The following PCDHGA7 variants were observed in gnomAD, a reference collection of about 807,000 sequenced individuals.
PCDHGA7 encodes the protein protocadherin gamma subfamily A, 7.
In PCDHGA7, 44 loss-of-function variants were observed where a neutral mutation model predicts 58.3. The ratio of observed to expected loss-of-function variants is 0.75; its 90% CI spans 0.59 to 0.97. PCDHGA7 has a LOEUF of 0.97. Among genes scored for constraint, PCDHGA7 ranks in the 50% least tolerant of loss-of-function variants. The probability of loss-of-function intolerance (pLI) is 0.00; values close to 1 mark genes in which losing one functional copy is unlikely to be tolerated. For missense variants in PCDHGA7, 1,266 were observed against 1,188.7 expected (o/e 1.06, Z -0.96); for synonymous variants, 516 against 504.2 (o/e 1.02, Z -0.31).
chr5:141,403,353 A>T lies in PCDHGA7; in HGVS notation c.2424+18030A>T, dbSNP rs1335542003. The T allele has an allele frequency of 2.5e-6, 4 of 1,613,932 alleles. No individual in the cohort carries two copies. In the East Asian group the frequency reaches 6.7e-5, roughly 27 times the overall value. ...ATTAACGACAGCGCCCCAAAGTTCC[A>T]GGCCGAAAGTCTGGAAGTAAAAATT... On this transcript the variant is annotated intron_variant, in intron 1 of 3. Coordinates refer to ENST00000518325, the MANE Select transcript of PCDHGA7 (RefSeq NM_018920.4).
rs2099170089 is a variant in PCDHGA7, at chr5:141,468,602, C to T, written c.2425-26205C>T. On this transcript the variant is annotated intron_variant, in intron 1 of 3. Coordinates refer to ENST00000518325, the MANE Select transcript of PCDHGA7 (RefSeq NM_018920.4). ...GTACTAAAGGCTGGGCGCGGTGGCT[C>T]ACGCCTGTAATCCCAGCACTTTGGG... The T allele has an allele frequency of 2.6e-5, 4 of 152,284 alleles. No individual in the cohort carries two copies. The South Asian group carries it at 8.3e-4, about 32-fold the overall frequency. 9.4% of individuals were successfully genotyped at this position (152,284 alleles called of 1,614,324 possible).
chr5:141,432,663 G>A lies in PCDHGA7; in HGVS notation c.2424+47340G>A. ...CGCACGGCGCGAGCCCTGCTGGACA[G>A]AGACGCGCTCAAGCAGAGCCTCGTA... On this transcript the variant is annotated intron_variant, in intron 1 of 3. Coordinates refer to ENST00000518325, the MANE Select transcript of PCDHGA7 (RefSeq NM_018920.4). This position sits in a 1 kb window ranked among gnomAD's most constrained non-coding sequence, Gnocchi z 6.0. 1 of 1,613,886 alleles carries A rather than the reference G, an allele frequency of 6.2e-7. No individual in the cohort carries two copies. Among genetic ancestry groups the A allele is most frequent in the Non-Finnish European group, 8.5e-7 (1 of 1,179,952 alleles).
intron 2 of PCDHGA7, among the ~76,000 whole-genome samples, chr5:141,503,963 C>T (rs900066192): frequency 7.2e-5 from 11 of 152,188 alleles, no homozygotes; most frequent in Admixed American, 6.5e-4. Flanking sequence ...ACAGCCTTTC[C>T]CATGGTGCCA....
chr5:141,401,815 C>G (rs1217081146), intron 1 of PCDHGA7, among the ~76,000 whole-genome samples: 1 of 152,184 alleles, frequency 6.6e-6, no homozygotes, highest in Non-Finnish European at 1.5e-5. Flanking sequence ...GGGTTCCTTA[C>G]AAAGTGCTGA....
chr5:141,409,231 C>T (rs756486864), intron 1 of PCDHGA7: 7 of 1,613,926 alleles, frequency 4.3e-6, no homozygotes, highest in Admixed American at 3.3e-5. Flanking sequence ...AAAACGACAA[C>T]AGCCCAGAAA....
intron 1 of PCDHGA7, among the ~76,000 whole-genome samples, chr5:141,438,581 TACATAC>T (rs2097977343): frequency 4.0e-5 from 2 of 49,846 alleles, no homozygotes; most frequent in Non-Finnish European, 6.5e-5. Flanking sequence ...TATACATACA[TACATAC>T]ATACATATAT....
intron 2 of PCDHGA7, among the ~76,000 whole-genome samples, chr5:141,502,478 A>G (rs2099814452): frequency 6.6e-6 from 1 of 150,896 alleles, no homozygotes; most frequent in Non-Finnish European, 1.5e-5. Flanking sequence ...CCGCAGCATC[A>G]CACTGGGACT....
intron 2 of PCDHGA7, among the ~76,000 whole-genome samples, chr5:141,503,909 C>T (rs904260329): frequency 1.3e-5 from 2 of 152,156 alleles, no homozygotes; most frequent in Admixed American, 1.3e-4. Flanking sequence ...ACACACACAA[C>T]GCAACACACA....
At chr5:141,414,135 A>G in intron 1 of PCDHGA7, 1 of 1,595,504 alleles carries the variant, frequency 6.3e-7, no homozygotes, top group Non-Finnish European at 8.5e-7. Context: ...GTTTCTATGA[A>G]ATAGAAATAC....
In PCDHGA7 at chr5:141,486,334, C is replaced by T; in HGVS notation, c.2425-8473C>T. 1.2e-6 allele frequency: 2 copies of T among 1,614,098 alleles called. No individual in the cohort carries two copies. ...CAGGGTCAAACGGAGATGTGAGCCT[C>T]CGCATTCCTGACCACTTGCCATTTG... On this transcript the variant is annotated intron_variant, in intron 1 of 3. Coordinates refer to ENST00000518325, the MANE Select transcript of PCDHGA7 (RefSeq NM_018920.4). This position sits in a 1 kb window ranked among gnomAD's most constrained non-coding sequence, Gnocchi z 5.0.
intron 1 of PCDHGA7, chr5:141,391,580 C>A (rs1392857666): frequency 3.3e-5 from 5 of 152,116 alleles, no homozygotes; most frequent in South Asian, 2.1e-4. Flanking sequence ...AATATATTCA[C>A]AGGAAAATAT....
intron 1 of PCDHGA7, among the ~76,000 whole-genome samples, chr5:141,492,221 G>C (rs62379206): frequency 0.18 from 27,189 of 152,134 alleles, 2,633 homozygotes; most frequent in Admixed American, 0.28. Context: ...GGGCTCATGC[G>C]TGTCCTCCCT....
chr5:141,428,423 G>C (rs939814279), intron 1 of PCDHGA7: 1 of 440,550 alleles, frequency 2.3e-6, no homozygotes, highest in Non-Finnish European at 4.3e-6. Flanking sequence ...CCTGGTCTCT[G>C]TTCTAAGACT....
intron 1 of PCDHGA7, chr5:141,393,785 G>A (rs753963995): frequency 6.2e-7 from 1 of 1,613,922 alleles, no homozygotes; most frequent in Non-Finnish European, 8.5e-7. Context: ...CCGAAGATGT[G>A]GGGGCACTTC....
At chr5:141,436,764 A>G (rs1248797699) in intron 1 of PCDHGA7, among the ~76,000 whole-genome samples, 1 of 152,214 alleles carries the variant, frequency 6.6e-6, no homozygotes, top group East Asian at 1.9e-4. Flanking sequence ...GGTATAATGG[A>G]ATGATTTGTG....
intron 1 of PCDHGA7, chr5:141,422,871 G>T (rs769543752): frequency 3.7e-6 from 6 of 1,614,098 alleles, no homozygotes; most frequent in Non-Finnish European, 5.1e-6. Context: ...GCAACGTGTC[G>T]CTGAGCCTGT....
In PCDHGA7 at chr5:141,510,932, CCT is replaced by C. The variant is rs753455267; in HGVS notation, c.2573-12_2573-11del. 6 of 1,613,998 alleles carry C rather than the reference CCT, an allele frequency of 3.7e-6. No homozygotes were observed. The highest frequency in any genetic ancestry group is 1.1e-5 in the South Asian group (1 of 91,082). ...CTAAGTTTAGCTCCCACCTGATCTTCCTCTGTCTCTGCAGAAGCTGCTGATGG... is the reference window on the plus strand; with the variant it reads ...CTAAGTTTAGCTCCCACCTGATCTTCCTGTCTCTGCAGAAGCTGCTGATGG... On this transcript the variant is annotated splice_polypyrimidine_tract_variant and intron_variant, in intron 3 of 3. Coordinates refer to ENST00000518325, the MANE Select transcript of PCDHGA7 (RefSeq NM_018920.4).
intron 1 of PCDHGA7, among the ~76,000 whole-genome samples, chr5:141,430,341 C>T (rs766664177): frequency 1.4e-4 from 21 of 149,938 alleles, no homozygotes; most frequent in Non-Finnish European, 2.8e-4. Context: ...TAGAAACTTC[C>T]AATTCATTTA....
At chr5:141,510,272 T>TAA (rs546154379) in intron 3 of PCDHGA7, among the ~76,000 whole-genome samples, 3,403 of 130,344 alleles carry the variant, frequency 0.026, 48 homozygotes, top group East Asian at 0.043. Context: ...GACTCCATCT[T>TAA]AAAAAAAAAA....
Sources: gnomAD v4.1 joint callset for allele counts (sites outside exome capture counted in the v4.1 genomes callset) on GRCh38, gnomAD v4.1.1 for gene constraint, Gnocchi (gnomAD v3.1) non-coding constraint, MANE v1.5 for transcripts, NCBI Gene and HGNC (gene_info 2026-07-23, HGNC 2026-07-21) for gene names.